Variants in ANKS1B observed in about 807,000 individuals in gnomAD.
The protein encoded by ANKS1B is ankyrin repeat and sterile alpha motif domain containing 1B.
ANKS1B carries 36 observed loss-of-function variants against 148.3 expected under a neutral mutation model. The ratio of observed to expected loss-of-function variants is 0.24; its 90% confidence interval spans 0.19 to 0.32. The LOEUF (loss-of-function observed/expected upper bound fraction) is 0.32, where lower values mean the gene tolerates loss of function less well. Among genes scored for constraint, ANKS1B ranks in the 10% least tolerant of loss-of-function variants. The pLI, the probability that ANKS1B is intolerant of heterozygous loss-of-function variation, is 1.00. For missense variants in ANKS1B, 1,157 were observed against 1,542.6 expected, an observed-to-expected ratio of 0.75 and a Z score of 4.19; for synonymous variants, 542 against 560.8, an observed-to-expected ratio of 0.97 and a Z score of 0.47.
intron 17 of ANKS1B, among the ~76,000 whole-genome samples, chr12:98,892,443 T>C (rs1236217933): frequency 6.6e-6 from 1 of 152,242 alleles, no homozygotes; most frequent in Non-Finnish European, 1.5e-5. Context: ...TGTCAATTTA[T>C]ACCCTATTTC....
intron 10 of ANKS1B, among the ~76,000 whole-genome samples, chr12:99,456,767 G>A (rs1253917809): frequency 6.6e-6 from 1 of 151,890 alleles, no homozygotes; most frequent in African/African-American, 2.4e-5. Flanking sequence ...AGAAAATTTG[G>A]GATTATATTA....
chr12:99,699,166 C>A (rs2054404773), intron 8 of ANKS1B, among the ~76,000 whole-genome samples: 1 of 152,164 alleles, frequency 6.6e-6, no homozygotes, highest in South Asian at 2.1e-4. Context: ...CTGCCACCCA[C>A]TTCACACAGA....
rs1467072420 is a variant in ANKS1B, at chr12:98,857,519, T to C, written c.2779-25383A>G. On this transcript the variant is annotated intron_variant, in intron 17 of 26. Coordinates refer to ENST00000683438, the MANE Select transcript of ANKS1B (RefSeq NM_001352186.2). The stretch of plus-strand genomic sequence containing the variant: ...AAAAAGGGACACATGTTTCTCTGAG[T>C]AGGTGAGTCTGGGTGTTACTTGGAT... 9.2e-5 allele frequency among the ~76,000 whole-genome samples: 14 copies of C among 151,774 alleles called. No homozygotes were observed. In the East Asian group the frequency reaches 2.7e-3, roughly 30 times the overall value.
chr12:99,644,994 G>A (rs201873271), intron 9 of ANKS1B, among the ~76,000 whole-genome samples: 4 of 152,082 alleles, frequency 2.6e-5, no homozygotes, highest in Admixed American at 6.6e-5. Context: ...GACCCCCAAC[G>A]TAATCCAGAT....
At chr12:99,210,664 A>G (rs1369951729) in intron 14 of ANKS1B, among the ~76,000 whole-genome samples, 2 of 152,202 alleles carry the variant, frequency 1.3e-5, no homozygotes, top group African/African-American at 4.8e-5. Context: ...TATAGAAAGT[A>G]TTGTAGAGAC....
intron 9 of ANKS1B, among the ~76,000 whole-genome samples, chr12:99,620,540 A>G (rs1261889849): frequency 6.6e-6 from 1 of 152,188 alleles, no homozygotes; most frequent in Non-Finnish European, 1.5e-5. Flanking sequence ...GAAATCAATC[A>G]GAGCATTTGG....
intron 12 of ANKS1B, among the ~76,000 whole-genome samples, chr12:99,380,023 G>C (rs1472337781): frequency 6.6e-6 from 1 of 152,156 alleles, no homozygotes; most frequent in African/African-American, 2.4e-5. Context: ...TCTACATAAT[G>C]AATGCTGTGG....
At chr12:99,540,311 G>A (rs1305199402) in intron 9 of ANKS1B, among the ~76,000 whole-genome samples, 2 of 152,102 alleles carry the variant, frequency 1.3e-5, no homozygotes, top group African/African-American at 2.4e-5. Flanking sequence ...AAGCCAAGTA[G>A]ACCTAACAGA....
At chr12:99,664,311 A>T (rs960662615) in intron 8 of ANKS1B, among the ~76,000 whole-genome samples, 2 of 152,094 alleles carry the variant, frequency 1.3e-5, no homozygotes, top group African/African-American at 2.4e-5. Context: ...TCTTATTTAT[A>T]TACCTAACAT....
chr12:99,519,776 T>C (rs11614294), intron 9 of ANKS1B, among the ~76,000 whole-genome samples: 19,216 of 152,072 alleles, frequency 0.13, 1,530 homozygotes, highest in Non-Finnish European at 0.17. Context: ...AAAGTGATTT[T>C]CTCTGGTGCT....
intron 15 of ANKS1B, among the ~76,000 whole-genome samples, chr12:99,136,984 C>T (rs2068319775): frequency 6.6e-6 from 1 of 152,144 alleles, no homozygotes. Flanking sequence ...CAGTCACAGG[C>T]ATCTACTCAT....
At chr12:99,229,313 TC>T (rs1303247122) in intron 14 of ANKS1B, among the ~76,000 whole-genome samples, 1 of 151,952 alleles carries the variant, frequency 6.6e-6, no homozygotes, top group Non-Finnish European at 1.5e-5. Flanking sequence ...TAGTGTAATT[TC>T]TTTTTTAAAT....
intron 15 of ANKS1B, among the ~76,000 whole-genome samples, chr12:99,095,174 A>G (rs1195713463): frequency 6.6e-6 from 1 of 152,184 alleles, no homozygotes; most frequent in Non-Finnish European, 1.5e-5. Flanking sequence ...ACCTACGAAA[A>G]TGAAAATGTT....
chr12:99,343,797 T>C (rs1407252275), intron 12 of ANKS1B: 4 of 152,090 alleles, frequency 2.6e-5, no homozygotes, highest in African/African-American at 9.7e-5. Flanking sequence ...AACTGGCTTT[T>C]ACCCTTATGC....
At chr12:99,429,821 G>A (rs780306745) in intron 11 of ANKS1B, among the ~76,000 whole-genome samples, 8 of 151,958 alleles carry the variant, frequency 5.3e-5, no homozygotes, top group Non-Finnish European at 7.4e-5. Flanking sequence ...AAAATTAGCC[G>A]GGCGTGGTGG....
At chr12:99,576,787 G>A (rs1190500898) in intron 9 of ANKS1B, among the ~76,000 whole-genome samples, 2 of 151,918 alleles carry the variant, frequency 1.3e-5, no homozygotes, top group African/African-American at 2.4e-5. Context: ...AGATTTAGTG[G>A]ATACATGTGT....
At chr12:98,921,177 C>T (rs958526121) in intron 17 of ANKS1B, among the ~76,000 whole-genome samples, 1 of 152,066 alleles carries the variant, frequency 6.6e-6, no homozygotes. Context: ...TTTTCTTCTT[C>T]CCTCCCTTGA....
chr12:99,575,208 A>T (rs889838609), intron 9 of ANKS1B, among the ~76,000 whole-genome samples: 9 of 152,098 alleles, frequency 5.9e-5, no homozygotes, highest in African/African-American at 2.2e-4. Flanking sequence ...CAGAAACCTT[A>T]CAAGTCAGAG....
intron 17 of ANKS1B, among the ~76,000 whole-genome samples, chr12:98,913,445 G>A (rs1305067657): frequency 6.6e-6 from 1 of 152,094 alleles, no homozygotes; most frequent in Non-Finnish European, 1.5e-5. Context: ...CCTCCAAGGT[G>A]CAGCTCGTGG....
Sources: allele counts gnomAD v4.1 joint callset (sites outside exome capture counted in the v4.1 genomes callset), GRCh38; gene constraint gnomAD v4.1.1; transcripts MANE v1.5; gene names NCBI Gene and HGNC (gene_info 2026-07-23, HGNC 2026-07-21).